The following HPSE2 variants were observed in gnomAD, a reference collection of about 807,000 sequenced individuals.
The protein encoded by HPSE2 is heparanase 2 (inactive).
HPSE2 carries 38 observed loss-of-function variants against 60.5 expected under a neutral mutation model. The observed-to-expected ratio is 0.63, with a 90% CI of 0.48 to 0.82. The LOEUF (loss-of-function observed/expected upper bound fraction) is 0.82, where lower values mean the gene tolerates loss of function less well. HPSE2 is among the 40% of genes least tolerant of loss of function. The probability of loss-of-function intolerance (pLI) is 0.00; values close to 1 mark genes in which losing one functional copy is unlikely to be tolerated. For synonymous variants in HPSE2, 295 were observed against 293.2 expected (o/e 1.01, Z -0.06); for missense variants, 713 against 740.4 (o/e 0.96, Z 0.43).
At chr10:99,041,821 G>A (rs1169264714) in intron 3 of HPSE2, among the ~76,000 whole-genome samples, 1 of 152,132 alleles carries the variant, frequency 6.6e-6, no homozygotes, top group South Asian at 2.1e-4. Flanking sequence ...CGACAGGCCC[G>A]TTGTGATTGC....
chr10:98,547,442 T>TGGCACATA (rs1281660542), intron 9 of HPSE2, among the ~76,000 whole-genome samples: 5 of 150,742 alleles, frequency 3.3e-5, no homozygotes, highest in African/African-American at 4.9e-5. Context: ...TAAGAAAATG[T>TGGCACATA]GGCACATATA....
At chr10:98,597,615 G>C (rs1036666145) in intron 9 of HPSE2, among the ~76,000 whole-genome samples, 33 of 151,422 alleles carry the variant, frequency 2.2e-4, no homozygotes, top group African/African-American at 8.0e-4. Context: ...AGGTTGCAGT[G>C]AGCCGAGATT....
At chr10:98,586,576 T>C (rs1336212979) in intron 9 of HPSE2, among the ~76,000 whole-genome samples, 1 of 152,158 alleles carries the variant, frequency 6.6e-6, no homozygotes, top group Admixed American at 6.6e-5. Context: ...AAACAAATAC[T>C]CTGGAAAAAA....
At chr10:98,462,129 A>T (rs546201910) in intron 11 of HPSE2, among the ~76,000 whole-genome samples, 2 of 152,328 alleles carry the variant, frequency 1.3e-5, no homozygotes, top group South Asian at 4.1e-4. Flanking sequence ...AAGCATAATG[A>T]ACCATATACT....
At chr10:98,644,429 T>C (rs1946715239) in intron 6 of HPSE2, among the ~76,000 whole-genome samples, 1 of 152,098 alleles carries the variant, frequency 6.6e-6, no homozygotes, top group African/African-American at 2.4e-5. Context: ...GAGGAAAGTG[T>C]AGAGCAGCAA....
chr10:99,061,217 G>A (rs988329352), intron 3 of HPSE2, among the ~76,000 whole-genome samples: 10 of 152,238 alleles, frequency 6.6e-5, no homozygotes, highest in African/African-American at 2.2e-4. Context: ...TCCAGATGTT[G>A]AGAGGAAGAG....
At chr10:98,562,092 G>A (rs570442910) in intron 9 of HPSE2, among the ~76,000 whole-genome samples, 1,528 of 151,326 alleles carry the variant, frequency 0.01, 17 homozygotes, top group East Asian at 0.025. Flanking sequence ...ATATTTTCCC[G>A]TACCTTTTCT....
chr10:98,816,094 G>A (rs1951282939), intron 3 of HPSE2, among the ~76,000 whole-genome samples: 1 of 150,178 alleles, frequency 6.7e-6, no homozygotes, highest in East Asian at 2.0e-4. Flanking sequence ...CGAGTTAATG[G>A]GTGCAGCACA....
chr10:98,875,840 G>T lies in HPSE2; in HGVS notation c.611-131784C>A, dbSNP rs565354162. On this transcript the variant is annotated intron_variant, in intron 3 of 11. Transcript: ENST00000370552. Reference sequence around the variant, plus strand: ...ATCTCTCAAAAACTTCACCAAGCAGGCAACAATATGTAATTATATTTAAAT... The same window carrying T: ...ATCTCTCAAAAACTTCACCAAGCAGTCAACAATATGTAATTATATTTAAAT... 2.6e-5 allele frequency among the ~76,000 whole-genome samples: 4 copies of T among 151,972 alleles called. No individual in the cohort carries two copies. The South Asian group carries it at 8.3e-4, about 32-fold the overall frequency.
rs189436872 is a variant in HPSE2, at chr10:99,183,389, T to G, written c.449-38990A>C. On this transcript the variant is annotated intron_variant, in intron 2 of 11. Transcript: ENST00000370552. ...CCCCAATAGTCCCTGTACACAGTTG[T>G]TTTTGGATAAACATGGAAACTGACC... Among the ~76,000 whole-genome samples the G allele has an allele frequency of 1.3e-3, 202 of 152,250 alleles. 1 individual carries two copies. The highest frequency in any genetic ancestry group is 4.6e-3 in the African/African-American group (191 of 41,526).
intron 2 of HPSE2, among the ~76,000 whole-genome samples, chr10:99,206,051 A>T (rs1181017838): frequency 6.6e-6 from 1 of 152,254 alleles, no homozygotes; most frequent in Non-Finnish European, 1.5e-5. Context: ...TGACATTATA[A>T]GAAAAAGTTC....
At chr10:98,668,940 T>C (rs1332203647) in intron 6 of HPSE2, among the ~76,000 whole-genome samples, 1 of 151,970 alleles carries the variant, frequency 6.6e-6, no homozygotes, top group Non-Finnish European at 1.5e-5. Flanking sequence ...CACAGCAAAA[T>C]AAATTAACAA....
chr10:98,631,802 C>G (rs560999955), intron 7 of HPSE2, among the ~76,000 whole-genome samples: 22 of 152,170 alleles, frequency 1.4e-4, no homozygotes, highest in African/African-American at 5.3e-4. Flanking sequence ...TGCAAATAAC[C>G]CTCTAAAAAG....
the HPSE2 span, among the ~76,000 whole-genome samples, chr10:99,295,454 G>A: frequency 6.6e-6 from 1 of 152,090 alleles, no homozygotes; most frequent in Non-Finnish European, 1.5e-5. Flanking sequence ...GTAATGTTAA[G>A]TGAAAAAAAG....
At chr10:99,153,636 A>G (rs916922851) in intron 2 of HPSE2, among the ~76,000 whole-genome samples, 4 of 152,128 alleles carry the variant, frequency 2.6e-5, no homozygotes, top group African/African-American at 4.8e-5. Context: ...AGTAGATAAA[A>G]CCACAAAGAT....
chr10:98,534,490 C>T (rs961958289), intron 9 of HPSE2, among the ~76,000 whole-genome samples: 4 of 152,090 alleles, frequency 2.6e-5, no homozygotes, highest in Admixed American at 6.5e-5. Flanking sequence ...CTGCAACCTC[C>T]GCCTCTTGGG....
At chr10:99,114,184 A>G (rs144067524) in intron 3 of HPSE2, among the ~76,000 whole-genome samples, 1 of 152,196 alleles carries the variant, frequency 6.6e-6, no homozygotes, top group Non-Finnish European at 1.5e-5. Context: ...ATTTCCTTGC[A>G]TATCTTCTGA....
In HPSE2 at chr10:98,500,956, G is replaced by A. The variant is rs1348539237; in HGVS notation, c.1321-10760C>T. ...TAAACTAGAAAACCTAGAAGAGGTG[G>A]ATAAATTCCTGGAAAAATACCCTCC... On this transcript the variant is annotated intron_variant, in intron 9 of 11. Transcript: ENST00000370552. Among the ~76,000 whole-genome samples the A allele has an allele frequency of 2.6e-4, 40 of 152,038 alleles. 1 individual carries two copies. The highest frequency in any genetic ancestry group is 2.6e-3 in the Admixed American group (40 of 15,270).
At chr10:99,150,729 G>A (rs1032406220) in intron 2 of HPSE2, among the ~76,000 whole-genome samples, 3 of 152,164 alleles carry the variant, frequency 2.0e-5, no homozygotes, top group Non-Finnish European at 2.9e-5. Context: ...GCACATGCAA[G>A]GGAGCCCCAA....
Sources: allele counts gnomAD v4.1 joint callset (sites outside exome capture counted in the v4.1 genomes callset), GRCh38; gene constraint gnomAD v4.1.1; transcripts MANE v1.5; gene names NCBI Gene and HGNC (gene_info 2026-07-23, HGNC 2026-07-21).